GPR137: variants seen among roughly 807,000 people sequenced by gnomAD.
GPR137 encodes G protein-coupled receptor 137.
A neutral mutation model predicts 38.9 loss-of-function variants in GPR137; 20 were observed. The ratio of observed to expected loss-of-function variants is 0.51; its 90% CI spans 0.36 to 0.75. GPR137 has a LOEUF of 0.75. GPR137 is among the 30% of genes least tolerant of loss of function. The pLI is 0.00. For synonymous variants in GPR137, 226 were observed against 235.8 expected, an observed-to-expected ratio of 0.96 and a Z score of 0.38; for missense variants, 456 against 526.4, an observed-to-expected ratio of 0.87 and a Z score of 1.31.
upstream of GPR137, chr11:64,284,689 G>A (rs866025616): frequency 2.0e-6 from 3 of 1,535,666 alleles, no homozygotes; most frequent in South Asian, 1.2e-5. Flanking sequence ...AGCACCCCGG[G>A]CTCCGGGCCC....
At chr11:64,281,278 T>A (rs888547282), upstream of GPR137, among the ~76,000 whole-genome samples, 3 of 152,190 alleles carry the variant, frequency 2.0e-5, no homozygotes, top group South Asian at 2.1e-4. Flanking sequence ...ATAGTTTTTT[T>A]AAAATTCCTT....
intron 2 of GPR137, among the ~76,000 whole-genome samples, chr11:64,278,075 G>A (rs1175888851): frequency 6.6e-6 from 1 of 152,078 alleles, no homozygotes; most frequent in Non-Finnish European, 1.5e-5. Flanking sequence ...ACTGCTTGAG[G>A]CCAGGAGTTC....
At chr11:64,280,237 G>A (rs1040699228), upstream of GPR137, among the ~76,000 whole-genome samples, 17 of 150,240 alleles carry the variant, frequency 1.1e-4, no homozygotes, top group South Asian at 1.9e-3. Flanking sequence ...GGAGAATGGC[G>A]TGAACCCGGG....
intron 2 of GPR137, among the ~76,000 whole-genome samples, chr11:64,278,955 T>C (rs550602387): frequency 1.3e-5 from 2 of 152,182 alleles, no homozygotes; most frequent in Non-Finnish European, 2.9e-5. Flanking sequence ...AATCAAAAGG[T>C]TAAGAAATCC....
upstream of GPR137, chr11:64,285,348 TG>T (rs1565355265): frequency 4.1e-5 from 40 of 984,332 alleles, no homozygotes; most frequent in Non-Finnish European, 4.6e-5. Flanking sequence ...GTAGGGCCCG[TG>T]GGGGCTTCAC....
At chr11:64,273,373 AAAT>A (rs60165855), upstream of GPR137, among the ~76,000 whole-genome samples, 1 of 152,010 alleles carries the variant, frequency 6.6e-6, no homozygotes, top group Non-Finnish European at 1.5e-5. Context: ...ACTCTGTCTC[AAAT>A]AATAATAATA....
chr11:64,285,943 C>T lies in GPR137; in HGVS notation c.-582C>T, dbSNP rs1430454407. The T allele has an allele frequency of 6.2e-6, 6 of 966,472 alleles. No individual in the cohort carries two copies. Among genetic ancestry groups the T allele is most frequent in the African/African-American group, 3.5e-5 (2 of 56,876 alleles). The allele number at this position is 966,472 out of a possible 1,614,324, so 59.9% of individuals were successfully genotyped here. Reference sequence around the variant, plus strand: ...TGAGGACCTGGCGTCCGCCTCCTCCCTCCCCTTGAGGCTGGAGCGTGGACG... The same window carrying T: ...TGAGGACCTGGCGTCCGCCTCCTCCTTCCCCTTGAGGCTGGAGCGTGGACG... On this transcript the variant is annotated 5_prime_UTR_variant, in exon 1 of 7. Coordinates refer to ENST00000438980, the MANE Select transcript of GPR137 (RefSeq NM_001170880.2).
At position 64,286,599 on chromosome 11, in the gene GPR137, G is replaced by A. The variant is rs761252748; in HGVS notation, c.75G>A (p.Gly25=). 3.1e-6 allele frequency: 5 copies of A among 1,613,774 alleles called. No individual in the cohort carries two copies. In the South Asian group the frequency reaches 3.3e-5, roughly 11 times the overall value. The change falls in exon 1 of 7, where the codon GGG becomes GGA. Residue 25 remains glycine (G), a synonymous_variant. Coordinates refer to ENST00000438980, the MANE Select transcript of GPR137 (RefSeq NM_001170880.2). ...VPALPPAVTL[G]LTAAYTTLYA... ...CGCTGCCACCTGCTGTGACCCTGGGGCTGACAGCTGCCTACACCACCCTGT... is the reference window on the plus strand; with the variant it reads ...CGCTGCCACCTGCTGTGACCCTGGGACTGACAGCTGCCTACACCACCCTGT...
At chr11:64,284,680 G>A, upstream of GPR137, 1 of 1,535,604 alleles carries the variant, frequency 6.5e-7, no homozygotes, top group Non-Finnish European at 8.7e-7. Flanking sequence ...CCTCCCTCCA[G>A]CACCCCGGGC....
chr11:64,283,728 C>T (rs1256739413), upstream of GPR137, among the ~76,000 whole-genome samples: 1 of 152,190 alleles, frequency 6.6e-6, no homozygotes, highest in Non-Finnish European at 1.5e-5. Flanking sequence ...TAGGCAGGCC[C>T]CTTTTCCTTT....
At chr11:64,281,188 T>C (rs2033443764), upstream of GPR137, among the ~76,000 whole-genome samples, 1 of 151,898 alleles carries the variant, frequency 6.6e-6, no homozygotes, top group Non-Finnish European at 1.5e-5. Context: ...GAATGGTCTC[T>C]ATCTCCTGAC....
Position 64,286,898 on chromosome 11 carries a change from C to T in GPR137, c.357+17C>T, listed in dbSNP as rs1262905532. On this transcript the variant is annotated intron_variant, in intron 1 of 6. Coordinates refer to ENST00000438980, the MANE Select transcript of GPR137 (RefSeq NM_001170880.2). ...TTTGCCCAGGTAACCAACTGTGGTC[C>T]CGGGTGGGGGGCGGGAGGTGGCAAG... The T allele has an allele frequency of 6.2e-7, 1 of 1,607,680 alleles. No individual in the cohort carries two copies. The highest frequency in any genetic ancestry group is 8.5e-7 in the Non-Finnish European group (1 of 1,176,460).
At position 64,288,223 on chromosome 11, in the gene GPR137, A is replaced by T. The variant is rs760495067; in HGVS notation, c.783+9A>T. The T allele has an allele frequency of 1.0e-4, 162 of 1,611,358 alleles. No individual in the cohort carries two copies. The highest frequency in any genetic ancestry group is 6.6e-4 in the Middle Eastern group (4 of 6,080). On this transcript the variant is annotated intron_variant, in intron 4 of 6. Coordinates refer to ENST00000438980, the MANE Select transcript of GPR137 (RefSeq NM_001170880.2). This position sits in a 1 kb window ranked among gnomAD's most constrained non-coding sequence, Gnocchi z 5.5. ...ACAATGTGTCTGACCAGGTGGGCAT[A>T]CGCATGTCTGCCACCTCCTTAGTAG...
chr11:64,284,475 C>A (rs943095812), upstream of GPR137: 1 of 1,592,284 alleles, frequency 6.3e-7, no homozygotes, highest in Non-Finnish European at 8.5e-7. Flanking sequence ...CCCACCGTAG[C>A]GCCCCCAGGC....
In GPR137 at chr11:64,286,000, C is replaced by G; in HGVS notation, c.-525C>G. On this transcript the variant is annotated 5_prime_UTR_variant, in exon 1 of 7. Coordinates refer to ENST00000438980, the MANE Select transcript of GPR137 (RefSeq NM_001170880.2). ...GGGAGGGTGGGGCGGGGGCAGCTTTCGAGAATTACGAGGACAGGAGGCAGA... is the reference window on the plus strand; with the variant it reads ...GGGAGGGTGGGGCGGGGGCAGCTTTGGAGAATTACGAGGACAGGAGGCAGA... The G allele has an allele frequency of 1.0e-6, 1 of 984,540 alleles. No homozygotes were observed. Among genetic ancestry groups the G allele is most frequent in the Non-Finnish European group, 1.2e-6 (1 of 829,080 alleles). 61.0% of individuals were successfully genotyped at this position (984,540 alleles called of 1,614,324 possible). A position where few individuals can be genotyped will look rare whatever the true frequency, so the allele number is the denominator to read the frequency against.
chr11:64,276,784 C>T (rs574622956), intron 2 of GPR137: 8 of 628,440 alleles, frequency 1.3e-5, no homozygotes, highest in African/African-American at 7.3e-5. Context: ...TGGGTGTGAA[C>T]GTGGGTGGGT....
At chr11:64,273,997 T>G (rs1025144850), upstream of GPR137, among the ~76,000 whole-genome samples, 2 of 151,892 alleles carry the variant, frequency 1.3e-5, no homozygotes, top group Non-Finnish European at 2.9e-5. Flanking sequence ...ACCATTGGAA[T>G]GTCTCTTCTC....
upstream of GPR137, among the ~76,000 whole-genome samples, chr11:64,283,367 G>GA (rs1406339623): frequency 1.3e-5 from 2 of 152,214 alleles, no homozygotes; most frequent in Non-Finnish European, 2.9e-5. Context: ...TTTGTGTTCA[G>GA]AAGATATCTG....
chr11:64,282,008 C>T (rs1302259160), upstream of GPR137, among the ~76,000 whole-genome samples: 2 of 152,174 alleles, frequency 1.3e-5, no homozygotes, highest in African/African-American at 2.4e-5. Flanking sequence ...CGTGAGCCAC[C>T]GCGCCCGGCC....
Sources: gnomAD v4.1 joint callset for allele counts (sites outside exome capture counted in the v4.1 genomes callset) on GRCh38, gnomAD v4.1.1 for gene constraint, Gnocchi (gnomAD v3.1) non-coding constraint, MANE v1.5 for transcripts, NCBI Gene and HGNC (gene_info 2026-07-23, HGNC 2026-07-21) for gene names.